Variants in NBPF11 observed in about 807,000 individuals in gnomAD.
NBPF11 encodes NBPF member 11, also known as NBPF family member NBPF11.
In NBPF11, 72 loss-of-function variants were observed where a neutral mutation model predicts 93.9. That is an observed-to-expected ratio of 0.77 (90% confidence interval 0.63 to 0.93). The LOEUF is 0.93. Among genes scored for constraint, NBPF11 ranks in the 40% least tolerant of loss-of-function variants. The pLI, the probability that NBPF11 is intolerant of heterozygous loss-of-function variation, is 0.00. For missense variants in NBPF11, 705 were observed against 802.2 expected, an observed-to-expected ratio of 0.88 and a Z score of 1.46; for synonymous variants, 224 against 304.9, an observed-to-expected ratio of 0.73 and a Z score of 2.76.
chr1:148,127,756 C>T (rs1669441748), intron 4 of NBPF11, among the ~76,000 whole-genome samples: 1 of 147,440 alleles, frequency 6.8e-6, no homozygotes, highest in Non-Finnish European at 1.5e-5. Flanking sequence ...TATTCTCCTG[C>T]CTCAGACTCC....
Position 148,105,387 on chromosome 1 carries a change from G to A in NBPF11, c.2445C>T (p.Asn815=), listed in dbSNP as rs1409916673. ...CCCACGTCAAGAGAAAAGCCAACAT[G>A]TTTTTCCTCCAATGCATAAAAGGAA... ...TEVPFMHWRK[N]MLAFLLTWEK... Residue 815 remains asparagine (N), a synonymous_variant, in exon 22 of 24, where the codon AAC becomes AAT. Transcript: ENST00000682118. 21 of 958,000 alleles carry A rather than the reference G, an allele frequency of 2.2e-5. No individual in the cohort carries two copies. The highest frequency in any genetic ancestry group is 3.4e-5 in the Non-Finnish European group (20 of 591,518). 59.3% of individuals were successfully genotyped at this position (958,000 alleles called of 1,614,324 possible). A position where few individuals can be genotyped will look rare whatever the true frequency, so the allele number is the denominator to read the frequency against.
intron 3 of NBPF11, among the ~76,000 whole-genome samples, 171 bp downstream of exon 3, chr1:148,137,540 A>C (rs2149281019): frequency 6.6e-6 from 1 of 151,804 alleles, no homozygotes; most frequent in Non-Finnish European, 1.5e-5. Context: ...TGTGGTTTCA[A>C]ACCACTGGTT....
Position 148,149,626 on chromosome 1 carries a change from C to T in NBPF11, c.-549+2124G>A, listed in dbSNP as rs1647768375. On this transcript the variant is annotated intron_variant, in intron 1 of 23. Transcript: ENST00000682118. Reference sequence around the variant, plus strand: ...GCGGCCCCCGGACCTCACCCCGCGCCGGCCCCCACCCAGGGGCTGCATGTG... The same window carrying T: ...GCGGCCCCCGGACCTCACCCCGCGCTGGCCCCCACCCAGGGGCTGCATGTG... 5.4e-6 allele frequency: 8 copies of T among 1,491,226 alleles called. No homozygotes were observed. The South Asian group carries it at 5.9e-5, about 11-fold the overall frequency. 92.4% of individuals were successfully genotyped at this position (1,491,226 alleles called of 1,614,324 possible).
intron 15 of NBPF11, among the ~76,000 whole-genome samples, chr1:148,112,819 C>A (rs1485574516): frequency 6.7e-6 from 1 of 149,488 alleles, no homozygotes; most frequent in Non-Finnish European, 1.5e-5. Context: ...GCACCTTCAA[C>A]ATTCTTAAAG....
chr1:148,104,031 A>G, intron 23 of NBPF11, 119 bp from the exon 24 acceptor site: 1 of 1,597,172 alleles, frequency 6.3e-7, no homozygotes, highest in South Asian at 1.1e-5. Flanking sequence ...AGATCCATTA[A>G]TGAGGTAACA....
At chr1:148,136,702 T>A (rs1483118355) in intron 3 of NBPF11, among the ~76,000 whole-genome samples, 2 of 152,030 alleles carry the variant, frequency 1.3e-5, no homozygotes, top group South Asian at 4.1e-4. Flanking sequence ...CCATGTTCCC[T>A]CATTTTGAAC....
intron 14 of NBPF11, 108 bp downstream of exon 14, chr1:148,115,685 C>T (rs1666354828): frequency 2.7e-6 from 3 of 1,097,360 alleles, no homozygotes; most frequent in South Asian, 2.9e-5. Flanking sequence ...GTTTAGAAAC[C>T]CATCACAGTT....
At chr1:148,129,127 AT>A in intron 4 of NBPF11, among the ~76,000 whole-genome samples, 1 of 145,116 alleles carries the variant, frequency 6.9e-6, no homozygotes, top group Non-Finnish European at 1.5e-5. Context: ...GTGTATATGT[AT>A]TATTTATATA....
chr1:148,106,734 G>T (rs1252766851), intron 20 of NBPF11, among the ~76,000 whole-genome samples: 2 of 148,702 alleles, frequency 1.3e-5, no homozygotes, highest in Non-Finnish European at 3.0e-5. Context: ...GGCATGGCTG[G>T]AGACTAGGAA....
At position 148,103,439 on chromosome 1, in the gene NBPF11, T is replaced by C; in HGVS notation, c.*457A>G. 1 of 667,924 alleles carries C rather than the reference T, an allele frequency of 1.5e-6. No homozygotes were observed. The highest frequency in any genetic ancestry group is 2.4e-6 in the Non-Finnish European group (1 of 410,358). 41.4% of individuals were successfully genotyped at this position (667,924 alleles called of 1,614,324 possible). A position where few individuals can be genotyped will look rare whatever the true frequency, so the allele number is the denominator to read the frequency against. On this transcript the variant is annotated 3_prime_UTR_variant, in exon 24 of 24. Coordinates refer to ENST00000682118, the MANE Select transcript of NBPF11 (RefSeq NM_001385469.3). ...CAAATTAAAATGTCCGACTGATCAC[T>C]CCCGGCATGTGCTGCACAGTTATGT... is the stretch of plus-strand genomic sequence containing the variant.
intron 2 of NBPF11, among the ~76,000 whole-genome samples, chr1:148,141,793 T>A (rs1208684101): frequency 2.6e-5 from 4 of 151,506 alleles, no homozygotes; most frequent in Non-Finnish European, 5.9e-5. Flanking sequence ...CACCCACAAA[T>A]CAGAGGAGGA....
chr1:148,142,705 A>G (rs1367121829), intron 2 of NBPF11, among the ~76,000 whole-genome samples: 2 of 151,924 alleles, frequency 1.3e-5, no homozygotes, highest in Non-Finnish European at 2.9e-5. Context: ...AGATTTACTC[A>G]TTATGGGGCC....
At chr1:148,104,268 A>T (rs1208776118) in intron 23 of NBPF11, among the ~76,000 whole-genome samples, 1 of 145,406 alleles carries the variant, frequency 6.9e-6, no homozygotes, top group Non-Finnish European at 1.5e-5. Flanking sequence ...TGAGCTCAAT[A>T]GTTTTCCATA....
rs1330041135 is a variant in NBPF11 at position 148,108,617 on chromosome 1, C to T, written c.1891G>A (p.Val631Ile). The change falls in exon 18 of 24, where the codon GTC becomes ATC. Residue 631 changes from valine to isoleucine, a missense_variant. Physicochemically the swap from Val to Ile is conservative, Grantham distance 29. Coordinates refer to ENST00000682118, the MANE Select transcript of NBPF11 (RefSeq NM_001385469.3). ...CATCTATCCAGTGAGTCCTGCAAGA[C>T]TTCAGGCTCTTTCTCATCCAGCAGC... ...RELLDEKEPE[V>I]LQDSLDRCYS... 9.6e-5 allele frequency: 142 copies of T among 1,475,378 alleles called. No individual in the cohort carries two copies. The highest frequency in any genetic ancestry group is 1.3e-4 in the Non-Finnish European group (138 of 1,057,226). 91.4% of individuals were successfully genotyped at this position (1,475,378 alleles called of 1,614,324 possible). A position where few individuals can be genotyped will look rare whatever the true frequency, so the allele number is the denominator to read the frequency against.
chr1:148,146,769 C>A, intron 1 of NBPF11: 3 of 1,613,154 alleles, frequency 1.9e-6, no homozygotes, highest in Admixed American at 3.3e-5. Context: ...TGGACCTGGG[C>A]CAGATGAGCA....
chr1:148,107,490 C>T (rs1284198566), intron 19 of NBPF11, among the ~76,000 whole-genome samples: 36 of 151,794 alleles, frequency 2.4e-4, no homozygotes, highest in Admixed American at 4.6e-4. Flanking sequence ...AGTTGCCATA[C>T]GGCCTTTGAG....
intron 1 of NBPF11, among the ~76,000 whole-genome samples, chr1:148,145,926 T>A (rs1162474286): frequency 6.6e-6 from 1 of 151,692 alleles, no homozygotes; most frequent in Non-Finnish European, 1.5e-5. Flanking sequence ...AAAACGTCAT[T>A]AAAAGAGTGA....
chr1:148,118,003 G>A (rs1323651435), intron 11 of NBPF11, among the ~76,000 whole-genome samples: 13 of 151,798 alleles, frequency 8.6e-5, no homozygotes, highest in Non-Finnish European at 1.8e-4. Flanking sequence ...CCTCGATGAT[G>A]TTCCATTCAT....
At position 148,102,485 on chromosome 1, in the gene NBPF11, T is replaced by C. The variant is rs1325651721; in HGVS notation, c.*1411A>G. ...GACCCCTCCTTAACCAAGTAACCAG[T>C]CCTGATATCATAATGGTGTTGGACA... On this transcript the variant is annotated 3_prime_UTR_variant, in exon 24 of 24. Transcript: ENST00000682118. 1 of 151,794 alleles carries C rather than the reference T, an allele frequency of 6.6e-6. No homozygotes were observed. The highest frequency in any genetic ancestry group is 1.9e-4 in the East Asian group (1 of 5,182). 9.4% of individuals were successfully genotyped at this position (151,794 alleles called of 1,614,324 possible).
Sources: allele counts gnomAD v4.1 joint callset (sites outside exome capture counted in the v4.1 genomes callset), GRCh38; gene constraint gnomAD v4.1.1; transcripts MANE v1.5; gene names NCBI Gene and HGNC (gene_info 2026-07-23, HGNC 2026-07-21).